The following POLN variants were observed in gnomAD, a reference collection of about 807,000 sequenced individuals.
POLN encodes DNA polymerase nu.
POLN carries 108 observed loss-of-function variants against 113.5 expected under a neutral mutation model. That is an observed-to-expected ratio of 0.95 (90% CI 0.81 to 1.12). The LOEUF is 1.12. Ranked by LOEUF, POLN falls within the 50% of genes most tolerant of loss-of-function variation. The pLI is 0.00. For synonymous variants in POLN, 386 were observed against 391.5 expected (o/e 0.99, Z 0.17); for missense variants, 1,097 against 1,077.1 (o/e 1.02, Z -0.26).
chr4:2,201,380 T>C (rs1381801426), intron 5 of POLN, among the ~76,000 whole-genome samples: 2 of 144,912 alleles, frequency 1.4e-5, no homozygotes, highest in Non-Finnish European at 3.0e-5. Context: ...AAACAATAGA[T>C]GCACTTATAG....
rs1448913772 is a variant in POLN, at chr4:2,117,794, C to T, written c.1982+10319G>A. Among the ~76,000 whole-genome samples the T allele has an allele frequency of 3.9e-5, 6 of 152,306 alleles. No homozygotes were observed. The South Asian group carries it at 8.3e-4, about 21-fold the overall frequency. ...TTCCTAGTCCATTGTTCTCCATGGC[C>T]TTTTGCTCCACTTTCTGGGACTTCC... is the stretch of plus-strand genomic sequence containing the variant. On this transcript the variant is annotated intron_variant, in intron 19 of 25. Transcript: ENST00000511885.
At chr4:2,176,129 T>G in intron 9 of POLN, 137 bp downstream of exon 9, 1 of 730,018 alleles carries the variant, frequency 1.4e-6, no homozygotes. Context: ...CTTTTCTGAG[T>G]AATGCACAGG....
In POLN at chr4:2,196,154, T is replaced by C. The variant is rs1312689860; in HGVS notation, c.908+2370A>G. 2.0e-5 allele frequency among the ~76,000 whole-genome samples: 3 copies of C among 152,232 alleles called. No homozygotes were observed. The East Asian group carries it at 5.8e-4, about 29-fold the overall frequency. ...ATTTTTTAGGGATGTATTCTTCTAG[T>C]ATAAGTATGTCCCATGCAATATTTG... On this transcript the variant is annotated intron_variant, in intron 6 of 25. Coordinates refer to ENST00000511885, the MANE Select transcript of POLN (RefSeq NM_181808.4).
chr4:2,077,212 CAGGGAGCCAG>C (rs1286587622), intron 23 of POLN, among the ~76,000 whole-genome samples: 4 of 152,186 alleles, frequency 2.6e-5, no homozygotes, highest in Non-Finnish European at 5.9e-5. Flanking sequence ...AGGGAATGGC[CAGGGAGCCAG>C]AGGGACTTCG....
chr4:2,116,321 C>A (rs940722935), intron 19 of POLN, among the ~76,000 whole-genome samples: 6 of 152,186 alleles, frequency 3.9e-5, no homozygotes, highest in African/African-American at 1.4e-4. Context: ...GAAGATTCCT[C>A]CTCATCCTCT....
At chr4:2,092,494 C>G (rs1327670277) in intron 20 of POLN, among the ~76,000 whole-genome samples, 2 of 152,150 alleles carry the variant, frequency 1.3e-5, no homozygotes, top group East Asian at 1.9e-4. Context: ...GTCAAGGCTC[C>G]CAGACAGTGG....
At chr4:2,135,174 C>T (rs565699688) in intron 16 of POLN, among the ~76,000 whole-genome samples, 1 of 152,160 alleles carries the variant, frequency 6.6e-6, no homozygotes, top group Non-Finnish European at 1.5e-5. Context: ...GGAGACTCTC[C>T]ATGGTGCTCT....
At chr4:2,076,025 C>G (rs1025197476) in intron 23 of POLN, among the ~76,000 whole-genome samples, 2 of 152,178 alleles carry the variant, frequency 1.3e-5, no homozygotes, top group Non-Finnish European at 2.9e-5. Context: ...AGACCTCGCT[C>G]TGGTGAGCAT....
intron 2 of POLN, among the ~76,000 whole-genome samples, chr4:2,234,928 C>A (rs1734705459): frequency 6.6e-6 from 1 of 152,200 alleles, no homozygotes. Flanking sequence ...CTCTGTCGCC[C>A]AGGCTGGAGT....
rs879480416 is a variant in POLN, at chr4:2,176,321, C to A, written c.1193G>T (p.Arg398Leu). ...SSRNIVNQNV[R>L]ENLKTLYRLT... ...TCTGTAGAGTGTCTTCAGGTTCTCACGTACATTCTGATTCTTTAAAAGAGC... is the reference window on the plus strand; with the variant it reads ...TCTGTAGAGTGTCTTCAGGTTCTCAAGTACATTCTGATTCTTTAAAAGAGC... The change falls in exon 9 of 26, where the codon CGT (arginine) becomes CTT (leucine). Residue 398 changes from arginine to leucine, a missense_variant. Physicochemically the swap from Arg to Leu is moderately radical, Grantham distance 102 (BLOSUM62 -2). Coordinates refer to ENST00000511885, the MANE Select transcript of POLN (RefSeq NM_181808.4). The A allele has an allele frequency of 1.3e-6, 2 of 1,597,248 alleles. No individual in the cohort carries two copies. Among genetic ancestry groups the A allele is most frequent in the Non-Finnish European group, 1.7e-6 (2 of 1,173,822 alleles).
chr4:2,176,910 C>T (rs1326016504), intron 8 of POLN, among the ~76,000 whole-genome samples: 1 of 152,130 alleles, frequency 6.6e-6, no homozygotes, highest in Non-Finnish European at 1.5e-5. Flanking sequence ...AGTGCCAGGA[C>T]CTCTTCAACA....
intron 21 of POLN, 67 bp from the exon 22 acceptor site, chr4:2,081,810 G>A (rs796968383): frequency 1.7e-5 from 23 of 1,393,314 alleles, no homozygotes; most frequent in African/African-American, 1.1e-4. Flanking sequence ...CAGCTCCCTC[G>A]GGCCAGGTCC....
At chr4:2,163,832 G>A (rs1443533684) in intron 13 of POLN, among the ~76,000 whole-genome samples, 1 of 152,180 alleles carries the variant, frequency 6.6e-6, no homozygotes, top group East Asian at 1.9e-4. Context: ...TCCCAGCATG[G>A]GACTTGTCTT....
At chr4:2,155,276 G>A (rs986792525) in intron 16 of POLN, among the ~76,000 whole-genome samples, 1 of 152,182 alleles carries the variant, frequency 6.6e-6, no homozygotes, top group Admixed American at 6.5e-5. Flanking sequence ...TATTGGTGCT[G>A]GTATTGGTAT....
intron 5 of POLN, among the ~76,000 whole-genome samples, chr4:2,199,028 G>T (rs1733648676): frequency 6.6e-6 from 1 of 152,140 alleles, no homozygotes; most frequent in African/African-American, 2.4e-5. Context: ...GAATGTCTGT[G>T]TAGAAAATCT....
At chr4:2,175,359 C>T (rs1361164713) in intron 9 of POLN, among the ~76,000 whole-genome samples, 2 of 152,282 alleles carry the variant, frequency 1.3e-5, no homozygotes, top group East Asian at 3.9e-4. Context: ...GGCCAAGCCC[C>T]ATCCTCAATT....
At chr4:2,075,606 G>A in intron 23 of POLN, 87 bp from the exon 24 acceptor site, 1 of 1,430,274 alleles carries the variant, frequency 7.0e-7, no homozygotes, top group Non-Finnish European at 9.8e-7. Context: ...GAGTCAACCT[G>A]GGAGGCCAGG....
intron 16 of POLN, among the ~76,000 whole-genome samples, chr4:2,150,234 T>C (rs2108736639): frequency 6.6e-6 from 1 of 152,252 alleles, no homozygotes; most frequent in South Asian, 2.1e-4. Flanking sequence ...TTATTTAACA[T>C]TAATATTAAA....
Position 2,193,237 on chromosome 4 carries a change from GC to G in POLN, c.987del (p.Gln330SerfsTer16). The G allele has an allele frequency of 6.2e-7, 1 of 1,609,870 alleles. No homozygotes were observed. Among genetic ancestry groups the G allele is most frequent in the Non-Finnish European group, 8.5e-7 (1 of 1,177,976 alleles). On this transcript the variant is annotated frameshift_variant, in exon 7 of 26. Coordinates refer to ENST00000511885, the MANE Select transcript of POLN (RefSeq NM_181808.4). LOFTEE classifies it high-confidence loss of function. ...CAACTGCCATCATTGCCAAAAAACT[GC>G]AGCACTATTCTCACAAAATCCTTAG... ...FNAKDFVRIV[L>X]QFFGNDGSWK...
Sources: gnomAD v4.1 joint callset for allele counts (sites outside exome capture counted in the v4.1 genomes callset) on GRCh38, gnomAD v4.1.1 for gene constraint, MANE v1.5 for transcripts, NCBI Gene and HGNC (gene_info 2026-07-23, HGNC 2026-07-21) for gene names.